The following NUFIP1 variants were observed in gnomAD, a reference collection of about 807,000 sequenced individuals.
NUFIP1 encodes the protein FMR1-interacting protein NUFIP1.
NUFIP1 carries 38 observed loss-of-function variants against 56.2 expected under a neutral mutation model. The observed-to-expected ratio is 0.68, with a 90% CI of 0.52 to 0.89. The LOEUF (loss-of-function observed/expected upper bound fraction) is 0.89, where lower values mean the gene tolerates loss of function less well. NUFIP1 is among the 40% of genes least tolerant of loss of function. The pLI is 0.00. For missense variants in NUFIP1, 567 were observed against 605.8 expected, an observed-to-expected ratio of 0.94 and a Z score of 0.67; for synonymous variants, 215 against 212.4, an observed-to-expected ratio of 1.01 and a Z score of -0.10.
At chr13:44,957,885 T>C (rs1308342803) in intron 7 of NUFIP1, among the ~76,000 whole-genome samples, 1 of 152,206 alleles carries the variant, frequency 6.6e-6, no homozygotes, top group African/African-American at 2.4e-5. Flanking sequence ...ATGGTAGTCT[T>C]CACATTTGTG....
chr13:44,971,837 G>A (rs1871814418), intron 5 of NUFIP1, among the ~76,000 whole-genome samples: 1 of 152,208 alleles, frequency 6.6e-6, no homozygotes, highest in African/African-American at 2.4e-5. Context: ...CAAGAGGAGA[G>A]CCGCCTACTC....
rs139766603 is a variant in NUFIP1 at position 44,969,278 on chromosome 13, TACAC to T, written c.735-3346_735-3343del. The stretch of plus-strand genomic sequence containing the variant: ...AAAAATCAGAAACACAAGACCTAAT[TACAC>T]ACATAAACAACAGTAGGAAGCCCCA... On this transcript the variant is annotated intron_variant, in intron 5 of 9. Transcript: ENST00000379161. 8.1e-3 allele frequency among the ~76,000 whole-genome samples: 1,235 copies of T among 151,976 alleles called. 15 individuals carry two copies. Among genetic ancestry groups the T allele is most frequent in the African/African-American group, 0.028 (1,175 of 41,460 alleles).
In NUFIP1 at chr13:44,943,649, G is replaced by A. The variant is rs566936958; in HGVS notation, c.1164C>T (p.Asp388=). The A allele has an allele frequency of 7.0e-5, 113 of 1,612,156 alleles. No homozygotes were observed. Among genetic ancestry groups the A allele is most frequent in the Non-Finnish European group, 8.6e-5 (102 of 1,179,466 alleles). Residue 388 remains aspartate, a synonymous_variant, in exon 9 of 10, where the codon GAC becomes GAT. Transcript: ENST00000379161. ...PEETPIKTEA[D]VLAENQVLDS... Reference sequence around the variant, plus strand: ...CAAGAACCTGGTTTTCTGCCAAAACGTCTGCTTCAGTCTTGATGGGAGTTT... The same window carrying A: ...CAAGAACCTGGTTTTCTGCCAAAACATCTGCTTCAGTCTTGATGGGAGTTT...
chr13:44,986,359 T>C (rs919765574), intron 1 of NUFIP1, among the ~76,000 whole-genome samples: 4 of 152,140 alleles, frequency 2.6e-5, no homozygotes, highest in Admixed American at 2.6e-4. Flanking sequence ...GTGGAGGAAG[T>C]CACCTCAGAT....
rs1176968693 is a variant in NUFIP1 at position 44,989,226 on chromosome 13, C to T, written c.211G>A (p.Ala71Thr). Reference sequence around the variant, plus strand: ...GGCGGAGCCCCGGGGAGAGACTGGGCCTCCATGGGGGGCTGCGACTCAGAG... The same window carrying T: ...GGCGGAGCCCCGGGGAGAGACTGGGTCTCCATGGGGGGCTGCGACTCAGAG... ...PSSESQPPME[A>T]QSLPGAPPPF... The change falls in exon 1 of 10, where the codon GCC (alanine) becomes ACC (threonine). Residue 71 changes from alanine to threonine, a missense_variant. Transcript: ENST00000379161. 2.5e-5 allele frequency: 40 copies of T among 1,611,858 alleles called. No individual in the cohort carries two copies. Among genetic ancestry groups the T allele is most frequent in the Non-Finnish European group, 3.3e-5 (39 of 1,178,992 alleles).
At position 44,959,497 on chromosome 13, in the gene NUFIP1, T is replaced by C. The variant is rs1425778021; in HGVS notation, c.905A>G (p.Asp302Gly). Residue 302 changes from aspartate (D) to glycine (G), a missense_variant, in exon 7 of 10, where the codon GAC becomes GGC. Coordinates refer to ENST00000379161, the MANE Select transcript of NUFIP1 (RefSeq NM_012345.3). ...SPGKNHKWKN[D>G]NSRQRAVTGS... Reference sequence around the variant, plus strand: ...AGTGACTGCTCTCTGTCTAGAATTGTCGTTTTTCCATTTGTGATTCTTGCC... The same window carrying C: ...AGTGACTGCTCTCTGTCTAGAATTGCCGTTTTTCCATTTGTGATTCTTGCC... 1.9e-6 allele frequency: 3 copies of C among 1,614,174 alleles called. No homozygotes were observed. Among genetic ancestry groups the C allele is most frequent in the South Asian group, 2.2e-5 (2 of 91,070 alleles).
Position 44,989,020 on chromosome 13 carries a change from C to A in NUFIP1, c.412+5G>T. 1 of 1,613,294 alleles carries A rather than the reference C, an allele frequency of 6.2e-7. No homozygotes were observed. The highest frequency in any genetic ancestry group is 8.5e-7 in the Non-Finnish European group (1 of 1,179,852). ...GGGGTCGACTCACGTGGAAAAATAG[C>A]CTACCTGCAGGGTTGAAGGACTTCT... On this transcript the variant is annotated splice_donor_5th_base_variant and intron_variant, in intron 1 of 9. Coordinates refer to ENST00000379161, the MANE Select transcript of NUFIP1 (RefSeq NM_012345.3).
chr13:44,957,778 T>A (rs1043404761), intron 7 of NUFIP1, among the ~76,000 whole-genome samples: 69 of 152,258 alleles, frequency 4.5e-4, no homozygotes, highest in African/African-American at 1.6e-3. Flanking sequence ...ACAAAGACTA[T>A]CCAATATCGG....
chr13:44,975,901 A>C (rs999968621), intron 5 of NUFIP1, among the ~76,000 whole-genome samples: 1 of 152,248 alleles, frequency 6.6e-6, no homozygotes, highest in Non-Finnish European at 1.5e-5. Context: ...GAAGAACCGA[A>C]GTTGGCAAAT....
chr13:44,958,767 T>G (rs1871326387), intron 7 of NUFIP1, among the ~76,000 whole-genome samples: 1 of 152,234 alleles, frequency 6.6e-6, no homozygotes, highest in South Asian at 2.1e-4. Context: ...CACATTTCAT[T>G]TTTCAGGAAG....
intron 9 of NUFIP1, among the ~76,000 whole-genome samples, chr13:44,942,295 C>A (rs1195574621): frequency 6.6e-6 from 1 of 152,120 alleles, no homozygotes; most frequent in East Asian, 1.9e-4. Context: ...AGCACATAAT[C>A]AAGGAATCAC....
chr13:44,941,054 G>C lies in NUFIP1; in HGVS notation c.*152C>G. The C allele has an allele frequency of 1.9e-6, 1 of 518,234 alleles. No homozygotes were observed. Among genetic ancestry groups the C allele is most frequent in the Non-Finnish European group, 3.5e-6 (1 of 287,756 alleles). 32.1% of individuals were successfully genotyped at this position (518,234 alleles called of 1,614,324 possible). A position where few individuals can be genotyped will look rare whatever the true frequency, so the allele number is the denominator to read the frequency against. The stretch of plus-strand genomic sequence containing the variant: ...ATTTTTTTATTTGCATAGAACCAAA[G>C]GAAAGACTTAAAATTCCAACATACA... On this transcript the variant is annotated 3_prime_UTR_variant, in exon 10 of 10. Transcript: ENST00000379161.
Position 44,941,075 on chromosome 13 carries a change from A to G in NUFIP1, c.*131T>C. The G allele has an allele frequency of 1.8e-6, 1 of 559,426 alleles. No homozygotes were observed. Among genetic ancestry groups the G allele is most frequent in the South Asian group, 3.0e-5 (1 of 32,814 alleles). The allele number at this position is 559,426 out of a possible 1,614,324, so 34.7% of individuals were successfully genotyped here. ...CAAAGGAAAGACTTAAAATTCCAACATACATCCTACGAGGCTTACAATTTA... is the reference window on the plus strand; with the variant it reads ...CAAAGGAAAGACTTAAAATTCCAACGTACATCCTACGAGGCTTACAATTTA... On this transcript the variant is annotated 3_prime_UTR_variant, in exon 10 of 10. Transcript: ENST00000379161.
At chr13:44,964,679 G>A (rs1463691359) in intron 6 of NUFIP1, among the ~76,000 whole-genome samples, 1 of 151,906 alleles carries the variant, frequency 6.6e-6, no homozygotes, top group Non-Finnish European at 1.5e-5. Flanking sequence ...GCAGAAGACT[G>A]ATTGGCATGT....
intron 3 of NUFIP1, 50 bp from the exon 4 acceptor site, chr13:44,980,002 G>A: frequency 7.1e-7 from 1 of 1,411,208 alleles, no homozygotes; most frequent in Non-Finnish European, 9.8e-7. Context: ...TGTTTTCCAT[G>A]TTAAATTTAC....
chr13:44,940,080 A>G lies in NUFIP1; in HGVS notation c.*1126T>C, dbSNP rs954625551. ...TGTATACCTTTAATATAGGCACAAT[A>G]GAGGTACAAAGAGTAAGCACTCAAC... On this transcript the variant is annotated 3_prime_UTR_variant, in exon 10 of 10. Coordinates refer to ENST00000379161, the MANE Select transcript of NUFIP1 (RefSeq NM_012345.3). The G allele has an allele frequency of 6.6e-6, 1 of 152,258 alleles. No homozygotes were observed. Among genetic ancestry groups the G allele is most frequent in the African/African-American group, 2.4e-5 (1 of 41,466 alleles). The allele number at this position is 152,258 out of a possible 1,614,324, so 9.4% of individuals were successfully genotyped here.
At chr13:44,982,979 G>A (rs529206823) in intron 1 of NUFIP1, among the ~76,000 whole-genome samples, 2 of 152,132 alleles carry the variant, frequency 1.3e-5, no homozygotes, top group African/African-American at 4.8e-5. Flanking sequence ...CTACACTCCA[G>A]TCTAGGCAAC....
rs1870732671 is a variant in NUFIP1, at chr13:44,941,444, A to G, written c.1372-122T>C. The G allele has an allele frequency of 7.0e-6, 4 of 567,412 alleles. No homozygotes were observed. In the East Asian group the frequency reaches 9.0e-5, roughly 13 times the overall value. 35.1% of individuals were successfully genotyped at this position (567,412 alleles called of 1,614,324 possible). On this transcript the variant is annotated intron_variant, in intron 9 of 9. Transcript: ENST00000379161. ...CAGAACAATAAGAAATATGTATTATATTCACTATTTTGCTAAAAAACGATG... is the reference window on the plus strand; with the variant it reads ...CAGAACAATAAGAAATATGTATTATGTTCACTATTTTGCTAAAAAACGATG...
intron 8 of NUFIP1, among the ~76,000 whole-genome samples, chr13:44,944,095 G>T (rs1226190882): frequency 6.6e-6 from 1 of 152,072 alleles, no homozygotes; most frequent in South Asian, 2.1e-4. Flanking sequence ...TAAAATCTCT[G>T]ACAACAATAG....
Sources: gnomAD v4.1 joint callset for allele counts (sites outside exome capture counted in the v4.1 genomes callset) on GRCh38, gnomAD v4.1.1 for gene constraint, MANE v1.5 for transcripts, NCBI Gene and HGNC (gene_info 2026-07-23, HGNC 2026-07-21) for gene names.